TMCO5A: variants seen among roughly 807,000 people sequenced by gnomAD.
TMCO5A encodes transmembrane and coiled-coil domain-containing protein 5A.
In TMCO5A, 34 loss-of-function variants were observed where a neutral mutation model predicts 42.3. The ratio of observed to expected loss-of-function variants is 0.80; its 90% CI spans 0.61 to 1.07. TMCO5A has a LOEUF of 1.07. Among genes scored for constraint, TMCO5A ranks in the 50% least tolerant of loss-of-function variants. The pLI is 0.00. For missense variants in TMCO5A, 357 were observed against 327.9 expected, an observed-to-expected ratio of 1.09 and a Z score of -0.69; for synonymous variants, 131 against 115.6, an observed-to-expected ratio of 1.13 and a Z score of -0.86.
intron 11 of TMCO5A, among the ~76,000 whole-genome samples, chr15:37,966,028 A>G (rs1037606709): frequency 6.6e-6 from 1 of 151,952 alleles, no homozygotes; most frequent in Non-Finnish European, 1.5e-5. Flanking sequence ...CAGATGAATG[A>G]ATAAAGAAAA....
chr15:38,031,668 GC>G, the TMCO5A span, among the ~76,000 whole-genome samples: 17 of 152,056 alleles, frequency 1.1e-4, no homozygotes, highest in Non-Finnish European at 1.8e-4. Flanking sequence ...AATTACTACA[GC>G]CCCAACCAAT....
chr15:37,943,299 G>C (rs748961023), intron 9 of TMCO5A, 42 bp from the exon 10 acceptor site: 46 of 1,590,960 alleles, frequency 2.9e-5, no homozygotes, highest in Non-Finnish European at 3.5e-5. Context: ...GAATATTTCA[G>C]TGCACTTTGT....
At chr15:37,981,511 T>G in the TMCO5A span, among the ~76,000 whole-genome samples, 1 of 152,164 alleles carries the variant, frequency 6.6e-6, no homozygotes, top group Non-Finnish European at 1.5e-5. Context: ...ATGGTTAAAA[T>G]CATTGCTTTA....
At chr15:37,937,567 T>C (rs1300152223) in intron 5 of TMCO5A, among the ~76,000 whole-genome samples, 171 bp downstream of exon 5, 1 of 151,992 alleles carries the variant, frequency 6.6e-6, no homozygotes. Flanking sequence ...ATGACCTAAA[T>C]GTTAGGGATT....
the TMCO5A span, among the ~76,000 whole-genome samples, chr15:38,034,220 C>T: frequency 6.6e-6 from 1 of 152,284 alleles, no homozygotes. Flanking sequence ...GCTCCACCCT[C>T]ATGACATAAT....
At chr15:38,036,016 C>A in the TMCO5A span, among the ~76,000 whole-genome samples, 1 of 152,130 alleles carries the variant, frequency 6.6e-6, no homozygotes, top group Non-Finnish European at 1.5e-5. Context: ...ATTAATAATG[C>A]CACTAGCCAA....
At chr15:37,958,391 AAG>A (rs1242876701) in intron 11 of TMCO5A, among the ~76,000 whole-genome samples, 1 of 151,916 alleles carries the variant, frequency 6.6e-6, no homozygotes, top group Non-Finnish European at 1.5e-5. Flanking sequence ...AACAATTTAC[AAG>A]AAAAACAAAC....
At chr15:38,039,668 G>T in the TMCO5A span, among the ~76,000 whole-genome samples, 1 of 152,142 alleles carries the variant, frequency 6.6e-6, no homozygotes, top group Non-Finnish European at 1.5e-5. Flanking sequence ...TTTATCTTTT[G>T]TGATAATCAT....
Position 37,941,225 on chromosome 15 carries a change from T to C in TMCO5A, c.444+20T>C. The C allele has an allele frequency of 6.2e-7, 1 of 1,610,832 alleles. No individual in the cohort carries two copies. Among genetic ancestry groups the C allele is most frequent in the South Asian group, 1.1e-5 (1 of 90,890 alleles). On this transcript the variant is annotated intron_variant, in intron 7 of 11. Coordinates refer to ENST00000319669, the MANE Select transcript of TMCO5A (RefSeq NM_152453.4). ...CTCAAGGTAACAGCAGGAACTTCAA[T>C]GTGACTTCTCCCCAAAAAGGGAAAT...
Position 37,951,228 on chromosome 15 carries a change from C to A in TMCO5A, c.861C>A (p.Pro287=). 1.2e-6 allele frequency: 2 copies of A among 1,613,418 alleles called. No homozygotes were observed. Among genetic ancestry groups the A allele is most frequent in the South Asian group, 2.2e-5 (2 of 90,962 alleles). Reference sequence around the variant, plus strand: ...CACTTGAGACAGAGGACATGTTACCCCACTGATTCCCTAAGAAATATCCTT... The same window carrying A: ...CACTTGAGACAGAGGACATGTTACCACACTGATTCCCTAAGAAATATCCTT... ...SLTLETEDML[P]H The change falls in exon 12 of 12, where the codon CCC becomes CCA. Residue 287 remains proline, a synonymous_variant. Transcript: ENST00000319669.
At chr15:38,015,392 C>G in the TMCO5A span, among the ~76,000 whole-genome samples, 1 of 152,112 alleles carries the variant, frequency 6.6e-6, no homozygotes, top group South Asian at 2.1e-4. Context: ...AAACTCAAAA[C>G]ACTGACAACA....
the TMCO5A span, among the ~76,000 whole-genome samples, chr15:38,009,928 T>A: frequency 9.7e-4 from 147 of 152,242 alleles, no homozygotes; most frequent in African/African-American, 3.4e-3. Flanking sequence ...CCCCCAAAAA[T>A]TATTCATGTT....
the TMCO5A span, among the ~76,000 whole-genome samples, chr15:38,017,991 C>G: frequency 1.3e-5 from 2 of 152,302 alleles, no homozygotes; most frequent in Admixed American, 1.3e-4. Context: ...CTTGCTTCCC[C>G]TTTGCCTTTT....
At chr15:37,953,402 G>A (rs1890208310), downstream of TMCO5A, among the ~76,000 whole-genome samples, 1 of 152,092 alleles carries the variant, frequency 6.6e-6, no homozygotes, top group Non-Finnish European at 1.5e-5. Context: ...GGGAAGTAAG[G>A]AAAGAGAATA....
rs769646187 is a variant in TMCO5A, at chr15:37,936,927, G to T, written c.221G>T (p.Arg74Met). ...WEKENRTTMERERALQELEEE... is the reference protein window; with the variant it reads ...WEKENRTTMEMERALQELEEE... ...AAGGAGAACCGCACCACGATGGAAA[G>T]GGAAAGAGCCTTGCAGGAGCTGGAG... Residue 74 changes from arginine (R) to methionine (M), a missense_variant, in exon 4 of 12, where the codon AGG (arginine) becomes ATG (methionine). Physicochemically the swap from Arg to Met is moderately conservative, Grantham distance 91 (BLOSUM62 -1). Transcript: ENST00000319669. The T allele has an allele frequency of 9.3e-6, 15 of 1,612,580 alleles. No individual in the cohort carries two copies. In the East Asian group the frequency reaches 3.1e-4, roughly 34 times the overall value.
the TMCO5A span, among the ~76,000 whole-genome samples, chr15:38,004,551 C>T: frequency 6.6e-6 from 1 of 152,184 alleles, no homozygotes. Context: ...CTTGTTGGAA[C>T]TCAGGTTCCA....
At chr15:37,984,300 T>A in the TMCO5A span, among the ~76,000 whole-genome samples, 1 of 152,174 alleles carries the variant, frequency 6.6e-6, no homozygotes, top group Non-Finnish European at 1.5e-5. Flanking sequence ...ATAAGGATTT[T>A]TTTTTATCAC....
chr15:37,971,930 TC>T (rs1409918164), downstream of TMCO5A, among the ~76,000 whole-genome samples: 1 of 152,226 alleles, frequency 6.6e-6, no homozygotes. Context: ...CCCCACATTT[TC>T]CTGTCTTCTT....
At chr15:38,016,149 G>A in the TMCO5A span, among the ~76,000 whole-genome samples, 3 of 152,252 alleles carry the variant, frequency 2.0e-5, no homozygotes, top group South Asian at 6.2e-4. Context: ...GGGAGGCTAT[G>A]TGTGTATGGA....
Sources: gnomAD v4.1 joint callset for allele counts (sites outside exome capture counted in the v4.1 genomes callset) on GRCh38, gnomAD v4.1.1 for gene constraint, MANE v1.5 for transcripts, NCBI Gene and HGNC (gene_info 2026-07-23, HGNC 2026-07-21) for gene names.